The following FAM135B variants were observed in gnomAD, a reference collection of about 807,000 sequenced individuals.
FAM135B encodes protein FAM135B.
In FAM135B, 43 loss-of-function variants were observed where a neutral mutation model predicts 127.7. The ratio of observed to expected loss-of-function variants is 0.34; its 90% CI spans 0.26 to 0.43. FAM135B has a LOEUF of 0.43. Among genes scored for constraint, FAM135B ranks in the 20% least tolerant of loss-of-function variants. FAM135B has a pLI of 1.00. For missense variants in FAM135B, 1,558 were observed against 1,725.6 expected, an observed-to-expected ratio of 0.90 and a Z score of 1.72; for synonymous variants, 670 against 665.1, an observed-to-expected ratio of 1.01 and a Z score of -0.11.
Position 138,178,705 on chromosome 8 carries a change from A to G in FAM135B, c.874-15T>C. 6.2e-7 allele frequency: 1 copy of G among 1,612,832 alleles called. No homozygotes were observed. Among genetic ancestry groups the G allele is most frequent in the South Asian group, 1.1e-5 (1 of 90,978 alleles). On this transcript the variant is annotated splice_polypyrimidine_tract_variant and intron_variant, in intron 9 of 19. Transcript: ENST00000395297. ...TTGTTCAACATCTGGAGAGGCAAAA[A>G]AGGTGGTATTCAAGGCTCCTGACTC...
intron 1 of FAM135B, among the ~76,000 whole-genome samples, chr8:138,433,441 T>G (rs1453822755): frequency 6.6e-6 from 1 of 151,664 alleles, no homozygotes; most frequent in Non-Finnish European, 1.5e-5. Context: ...GAGGATCAAT[T>G]GAACCCGGAC....
chr8:138,137,458 G>T (rs1235335193), intron 18 of FAM135B, among the ~76,000 whole-genome samples, 198 bp from the exon 19 acceptor site: 1 of 152,148 alleles, frequency 6.6e-6, no homozygotes, highest in African/African-American at 2.4e-5. Context: ...TATCGCGGGG[G>T]CCTATGGGAG....
At chr8:138,364,830 T>C (rs988440727) in intron 2 of FAM135B, among the ~76,000 whole-genome samples, 4 of 152,158 alleles carry the variant, frequency 2.6e-5, no homozygotes, top group Non-Finnish European at 4.4e-5. Flanking sequence ...ATATTTTATA[T>C]ATTAATAGAT....
Position 138,265,609 on chromosome 8 carries a change from C to T in FAM135B, c.297+94G>A, listed in dbSNP as rs1375509209. Reference sequence around the variant, plus strand: ...TCTCTGTCAGATTTCAAAGTAAACCCATACCTTCTTCTTTCAACATTTACC... The same window carrying T: ...TCTCTGTCAGATTTCAAAGTAAACCTATACCTTCTTCTTTCAACATTTACC... On this transcript the variant is annotated intron_variant, in intron 4 of 19. Transcript: ENST00000395297. 6.3e-6 allele frequency: 9 copies of T among 1,417,884 alleles called. No individual in the cohort carries two copies. The Admixed American group carries it at 1.6e-4, about 26-fold the overall frequency. The allele number at this position is 1,417,884 out of a possible 1,614,324, so 87.8% of individuals were successfully genotyped here.
chr8:138,469,684 CA>C (rs1837572170), intron 1 of FAM135B, among the ~76,000 whole-genome samples: 1 of 152,112 alleles, frequency 6.6e-6, no homozygotes. Context: ...CATAGCAGGA[CA>C]AATACAAGAT....
intron 1 of FAM135B, among the ~76,000 whole-genome samples, chr8:138,449,835 C>G (rs1564012206): frequency 2.0e-5 from 3 of 152,074 alleles, no homozygotes. Context: ...CTCCAAAGTT[C>G]CGAGTTCACA....
chr8:138,216,413 T>G (rs7005611), intron 7 of FAM135B, among the ~76,000 whole-genome samples: 116,558 of 151,974 alleles, frequency 0.77, 44,944 homozygotes, highest in East Asian at 0.83. Context: ...AGGCAGACAT[T>G]TCTGCCTTCA....
At chr8:138,261,315 G>A (rs1822521291) in intron 4 of FAM135B, among the ~76,000 whole-genome samples, 1 of 152,126 alleles carries the variant, frequency 6.6e-6, no homozygotes, top group Non-Finnish European at 1.5e-5. Context: ...CTACGAAAAT[G>A]CAATCTTGCT....
intron 3 of FAM135B, among the ~76,000 whole-genome samples, chr8:138,302,197 G>A (rs1279057501): frequency 1.3e-5 from 2 of 152,022 alleles, no homozygotes; most frequent in Non-Finnish European, 2.9e-5. Context: ...CAAGGAGGGG[G>A]GTGAGGAGTC....
chr8:138,303,954 C>G (rs1386795340), intron 3 of FAM135B, among the ~76,000 whole-genome samples: 1 of 152,194 alleles, frequency 6.6e-6, no homozygotes, highest in African/African-American at 2.4e-5. Context: ...AACTTCAAAC[C>G]CTACTTCCTA....
intron 1 of FAM135B, among the ~76,000 whole-genome samples, chr8:138,402,045 G>A (rs1833182179): frequency 6.6e-6 from 1 of 152,060 alleles, no homozygotes; most frequent in Non-Finnish European, 1.5e-5. Flanking sequence ...GGTGGGAGGT[G>A]GAGACAGACA....
At chr8:138,326,292 G>A (rs145731305) in intron 2 of FAM135B, among the ~76,000 whole-genome samples, 19 of 152,216 alleles carry the variant, frequency 1.2e-4, no homozygotes, top group African/African-American at 3.1e-4. Context: ...CAGGTAAAAC[G>A]AAAGTTCCTT....
chr8:138,409,677 C>G (rs1009819114), intron 1 of FAM135B, among the ~76,000 whole-genome samples: 9 of 151,934 alleles, frequency 5.9e-5, no homozygotes, highest in Admixed American at 6.6e-5. Flanking sequence ...AGATCAAGAC[C>G]ATCCTGGCTA....
At chr8:138,255,619 C>A (rs959288526) in intron 5 of FAM135B, among the ~76,000 whole-genome samples, 5 of 152,126 alleles carry the variant, frequency 3.3e-5, no homozygotes, top group African/African-American at 1.2e-4. Flanking sequence ...TCCCATGGGC[C>A]AGATGTGTGT....
intron 1 of FAM135B, among the ~76,000 whole-genome samples, chr8:138,456,046 G>A (rs1208836503): frequency 2.0e-5 from 3 of 152,188 alleles, no homozygotes; most frequent in African/African-American, 7.2e-5. Context: ...AGGACCAAAT[G>A]TAATGTCAGC....
intron 1 of FAM135B, among the ~76,000 whole-genome samples, chr8:138,453,813 A>T: frequency 6.6e-6 from 1 of 152,190 alleles, no homozygotes; most frequent in East Asian, 1.9e-4. Context: ...CTTAAACTTG[A>T]TGGGCCTCAG....
intron 1 of FAM135B, among the ~76,000 whole-genome samples, chr8:138,393,325 CA>C (rs1460722543): frequency 1.3e-5 from 2 of 151,884 alleles, no homozygotes; most frequent in African/African-American, 4.8e-5. Context: ...GTGACAATTT[CA>C]AAAAAATTCT....
intron 7 of FAM135B, among the ~76,000 whole-genome samples, chr8:138,211,821 A>C (rs1159361623): frequency 6.6e-6 from 1 of 152,152 alleles, no homozygotes; most frequent in African/African-American, 2.4e-5. Flanking sequence ...TAATCCCAGC[A>C]CTTTGGGAGG....
chr8:138,344,573 C>CTTTTT (rs869311243), intron 2 of FAM135B, among the ~76,000 whole-genome samples: 4 of 113,602 alleles, frequency 3.5e-5, no homozygotes, highest in African/African-American at 6.8e-5. Flanking sequence ...CACTTTCTTT[C>CTTTTT]TTTCTTTTTT....
Sources: gnomAD v4.1 joint callset for allele counts (sites outside exome capture counted in the v4.1 genomes callset) on GRCh38, gnomAD v4.1.1 for gene constraint, MANE v1.5 for transcripts, NCBI Gene and HGNC (gene_info 2026-07-23, HGNC 2026-07-21) for gene names.